STXBP4: variants seen among roughly 807,000 people sequenced by gnomAD.
STXBP4 encodes syntaxin-binding protein 4.
A neutral mutation model predicts 76.1 loss-of-function variants in STXBP4; 55 were observed. The observed-to-expected ratio is 0.72, with a 90% CI of 0.58 to 0.91. STXBP4 has a LOEUF of 0.91. Ranked by LOEUF, STXBP4 falls within the 40% of genes least tolerant of loss-of-function variation. The pLI, the probability that STXBP4 is intolerant of heterozygous loss-of-function variation, is 0.00. For missense variants in STXBP4, 618 were observed against 636.9 expected (o/e 0.97, Z 0.32); for synonymous variants, 201 against 220.2 (o/e 0.91, Z 0.77).
At chr17:55,078,273 G>C in intron 14 of STXBP4, 79 bp downstream of exon 14, 1 of 913,174 alleles carries the variant, frequency 1.1e-6, no homozygotes, top group Admixed American at 2.4e-5. Context: ...TACTGTATTT[G>C]GTACCTAGTG....
chr17:55,119,282 G>A (rs1481807508), intron 16 of STXBP4, among the ~76,000 whole-genome samples: 1 of 151,966 alleles, frequency 6.6e-6, no homozygotes. Context: ...TTATAAATTA[G>A]TTATATGAAT....
rs911550999 is a variant in STXBP4 at position 55,168,069 on chromosome 17, A to G, written c.*8158A>G. The G allele has an allele frequency of 1.3e-5, 2 of 152,172 alleles. No homozygotes were observed. Among genetic ancestry groups the G allele is most frequent in the South Asian group, 2.1e-4 (1 of 4,824 alleles). 9.4% of individuals were successfully genotyped at this position (152,172 alleles called of 1,614,324 possible). The stretch of plus-strand genomic sequence containing the variant: ...TGCCAGCTTTTATTTTTCTTTGGTG[A>G]TTACCACACAAAAATAAGAAGTTGG... On this transcript the variant is annotated 3_prime_UTR_variant, in exon 18 of 18. Transcript: ENST00000376352.
chr17:54,993,916 G>A lies in STXBP4; in HGVS notation c.180+2959G>A, dbSNP rs964688565. Among the ~76,000 whole-genome samples the A allele has an allele frequency of 2.2e-4, 33 of 152,188 alleles. No homozygotes were observed. In the Middle Eastern group the frequency reaches 0.01, roughly 47 times the overall value. On this transcript the variant is annotated intron_variant, in intron 4 of 17. Coordinates refer to ENST00000376352, the MANE Select transcript of STXBP4 (RefSeq NM_178509.6). Reference sequence around the variant, plus strand: ...CAAACTGTAAGGGAGTTATTGGAACGCAGAAGAAATTTTCTTTAATTATTC... The same window carrying A: ...CAAACTGTAAGGGAGTTATTGGAACACAGAAGAAATTTTCTTTAATTATTC...
At chr17:55,059,747 T>C (rs891357532) in intron 12 of STXBP4, among the ~76,000 whole-genome samples, 1 of 152,132 alleles carries the variant, frequency 6.6e-6, no homozygotes, top group African/African-American at 2.4e-5. Context: ...AGTCTTCAGG[T>C]GATTTGTTTA....
Position 55,000,803 on chromosome 17 carries a change from C to T in STXBP4, c.499-5C>T, listed in dbSNP as rs2077899048. 7 of 1,596,278 alleles carry T rather than the reference C, an allele frequency of 4.4e-6. No homozygotes were observed. Among genetic ancestry groups the T allele is most frequent in the Admixed American group, 1.7e-5 (1 of 59,658 alleles). ...ACATTGCATGTTCCTCATTTTCTTT[C>T]ACAGATAAAAACTGGATACAACAAA... is the stretch of plus-strand genomic sequence containing the variant. On this transcript the variant is annotated splice_polypyrimidine_tract_variant and splice_region_variant and intron_variant, in intron 6 of 17. Coordinates refer to ENST00000376352, the MANE Select transcript of STXBP4 (RefSeq NM_178509.6).
At chr17:55,087,957 T>C (rs2079360147) in intron 16 of STXBP4, among the ~76,000 whole-genome samples, 1 of 152,220 alleles carries the variant, frequency 6.6e-6, no homozygotes, top group Non-Finnish European at 1.5e-5. Flanking sequence ...GAGCATTTTA[T>C]AGTTTTCCTT....
chr17:55,099,276 A>C (rs1482844133), intron 16 of STXBP4, among the ~76,000 whole-genome samples: 3 of 152,238 alleles, frequency 2.0e-5, no homozygotes, highest in African/African-American at 7.2e-5. Flanking sequence ...ATACAGAAAT[A>C]CCCATTTATA....
the STXBP4 span, among the ~76,000 whole-genome samples, chr17:55,205,304 A>G: frequency 2.0e-4 from 31 of 152,130 alleles, no homozygotes; most frequent in Admixed American, 1.6e-3. Context: ...TAAATATTAT[A>G]TAAAAGGAAG....
rs754917737 is a variant in STXBP4 at position 54,999,439 on chromosome 17, G to C, written c.275G>C (p.Gly92Ala). 3 of 1,610,276 alleles carry C rather than the reference G, an allele frequency of 1.9e-6. No individual in the cohort carries two copies. Among genetic ancestry groups the C allele is most frequent in the Non-Finnish European group, 2.5e-6 (3 of 1,178,260 alleles). ...GAAGAAGCAAAAAGCATAATTACCG[G>C]AGCCAAGTTGAGGTAACTATACTAT... ...SFEEAKSIIT[G>A]AKLRLESAWE... Residue 92 changes from glycine (G) to alanine (A), a missense_variant, in exon 5 of 18, where the codon GGA (glycine) becomes GCA (alanine). Transcript: ENST00000376352.
At chr17:55,007,706 T>G in intron 8 of STXBP4, 109 bp downstream of exon 8, 1 of 773,502 alleles carries the variant, frequency 1.3e-6, no homozygotes, top group Non-Finnish European at 2.1e-6. Context: ...TTGAAGTTAC[T>G]TATTTACAAT....
intron 11 of STXBP4, among the ~76,000 whole-genome samples, chr17:55,046,632 G>A (rs2078793527): frequency 6.6e-6 from 1 of 151,768 alleles, no homozygotes; most frequent in Non-Finnish European, 1.5e-5. Context: ...AGTCATATAT[G>A]CCTTTTCATG....
intron 3 of STXBP4, among the ~76,000 whole-genome samples, chr17:54,988,363 G>A (rs188881623): frequency 2.0e-5 from 3 of 152,296 alleles, no homozygotes; most frequent in Admixed American, 2.0e-4. Flanking sequence ...ATTCACATTT[G>A]GAGGGTTTAA....
At chr17:55,124,790 G>A (rs1034805567) in intron 16 of STXBP4, among the ~76,000 whole-genome samples, 1 of 152,202 alleles carries the variant, frequency 6.6e-6, no homozygotes, top group Non-Finnish European at 1.5e-5. Flanking sequence ...CCAAGATCAA[G>A]GTGGTGGAAA....
intron 16 of STXBP4, among the ~76,000 whole-genome samples, chr17:55,130,770 C>T (rs1252992777): frequency 1.3e-5 from 2 of 152,164 alleles, no homozygotes; most frequent in African/African-American, 4.8e-5. Flanking sequence ...GAGGTCATGT[C>T]ACAGTTGTCT....
At chr17:55,026,257 G>A (rs948461022) in intron 8 of STXBP4, among the ~76,000 whole-genome samples, 4 of 152,110 alleles carry the variant, frequency 2.6e-5, no homozygotes, top group Admixed American at 6.6e-5. Context: ...AATGGATAAG[G>A]TGACCCTAAA....
rs553761094 is a variant in STXBP4 at position 55,051,693 on chromosome 17, A to T, written c.1011+4539A>T. 2.0e-3 allele frequency among the ~76,000 whole-genome samples: 310 copies of T among 152,192 alleles called. 14 individuals carry two copies. The South Asian group carries it at 0.063, about 31-fold the overall frequency. On this transcript the variant is annotated intron_variant, in intron 12 of 17. Transcript: ENST00000376352. Reference sequence around the variant, plus strand: ...GGATGGCTTGAGGCCACAGTGTGCTATTATGGTGCCTGTGACTAGCCACTG... The same window carrying T: ...GGATGGCTTGAGGCCACAGTGTGCTTTTATGGTGCCTGTGACTAGCCACTG...
chr17:55,078,287 C>G, intron 14 of STXBP4, 93 bp downstream of exon 14: 2 of 804,340 alleles, frequency 2.5e-6, no homozygotes, highest in Non-Finnish European at 4.0e-6. Context: ...CCTAGTGAAA[C>G]ATTCTCTAGT....
In STXBP4 at chr17:55,166,444, T is replaced by C. The variant is rs1447118385; in HGVS notation, c.*6533T>C. 1 of 152,240 alleles carries C rather than the reference T, an allele frequency of 6.6e-6. No homozygotes were observed. Among genetic ancestry groups the C allele is most frequent in the African/African-American group, 2.4e-5 (1 of 41,462 alleles). 9.4% of individuals were successfully genotyped at this position (152,240 alleles called of 1,614,324 possible). On this transcript the variant is annotated 3_prime_UTR_variant, in exon 18 of 18. Coordinates refer to ENST00000376352, the MANE Select transcript of STXBP4 (RefSeq NM_178509.6). ...CTATTCCTCCCTTGCTAGTCTTCAG[T>C]AGTTCCCTAGCACCTTCTACTATCT... is the stretch of plus-strand genomic sequence containing the variant.
intron 12 of STXBP4, among the ~76,000 whole-genome samples, chr17:55,064,730 T>A (rs2079029625): frequency 6.6e-6 from 1 of 152,188 alleles, no homozygotes; most frequent in East Asian, 1.9e-4. Context: ...GGTCTCGAAC[T>A]CGTGACCTTG....
Sources: allele counts gnomAD v4.1 joint callset (sites outside exome capture counted in the v4.1 genomes callset), GRCh38; gene constraint gnomAD v4.1.1; transcripts MANE v1.5; gene names NCBI Gene and HGNC (gene_info 2026-07-23, HGNC 2026-07-21).